MEGF10: variants seen among roughly 807,000 people sequenced by gnomAD.
MEGF10 encodes the protein multiple EGF like domains 10.
Under a neutral mutation model 147.5 loss-of-function variants are expected in MEGF10, and 86 were observed. The ratio of observed to expected loss-of-function variants is 0.58; its 90% CI spans 0.49 to 0.70. MEGF10 has a LOEUF of 0.70. Ranked by LOEUF, MEGF10 falls within the 30% of genes least tolerant of loss-of-function variation. The pLI, the probability that MEGF10 is intolerant of heterozygous loss-of-function variation, is 0.00. For synonymous variants in MEGF10, 478 were observed against 525.5 expected, an observed-to-expected ratio of 0.91 and a Z score of 1.24; for missense variants, 1,329 against 1,487.3, an observed-to-expected ratio of 0.89 and a Z score of 1.75.
At chr5:127,288,897 A>C (rs1352578817), upstream of MEGF10, among the ~76,000 whole-genome samples, 1 of 152,242 alleles carries the variant, frequency 6.6e-6, no homozygotes, top group Non-Finnish European at 1.5e-5. Flanking sequence ...CAGCAATAAA[A>C]AGGAACAAAC....
At chr5:127,429,993 C>A (rs1168115247) in intron 13 of MEGF10, among the ~76,000 whole-genome samples, 3 of 152,292 alleles carry the variant, frequency 2.0e-5, no homozygotes, top group Non-Finnish European at 1.5e-5. Context: ...TCCCCAGCCC[C>A]TGAGTTTTAG....
chr5:127,381,396 T>A (rs543298825), intron 5 of MEGF10, among the ~76,000 whole-genome samples: 1 of 152,346 alleles, frequency 6.6e-6, no homozygotes, highest in South Asian at 2.1e-4. Context: ...TCTTTATAAT[T>A]TCTTTCATAT....
the MEGF10 span, among the ~76,000 whole-genome samples, chr5:127,276,323 T>A: frequency 6.6e-6 from 1 of 152,228 alleles, no homozygotes; most frequent in African/African-American, 2.4e-5. Context: ...CAGAGGGTAG[T>A]TGGGTAAATA....
the MEGF10 span, among the ~76,000 whole-genome samples, chr5:127,247,428 GAAGAAGAAGAAGAAGAAGAAGAA>G: frequency 3.2e-5 from 3 of 94,278 alleles, no homozygotes; most frequent in African/African-American, 1.6e-4. Context: ...AGAAGAAGAA[GAAGAAGAAGAAGAAGAAGAAGAA>G]GAAGAAGAAG....
the MEGF10 span, among the ~76,000 whole-genome samples, chr5:127,264,374 G>A: frequency 1.3e-5 from 2 of 152,068 alleles, no homozygotes; most frequent in African/African-American, 2.4e-5. Flanking sequence ...CAAATTCTAT[G>A]TACTTTTGAT....
rs569029135 is a variant in MEGF10, at chr5:127,442,823, G to A, written c.2363-175G>A. Among the ~76,000 whole-genome samples the A allele has an allele frequency of 8.3e-4, 127 of 152,308 alleles. No homozygotes were observed. In the South Asian group the frequency reaches 0.011, roughly 14 times the overall value. On this transcript the variant is annotated intron_variant, in intron 18 of 24. Transcript: ENST00000503335. Reference sequence around the variant, plus strand: ...GCCCTGTGCAGTCTGGACTGTGAGTGCCACCATGATTCCAGGAATGCTGTC... The same window carrying A: ...GCCCTGTGCAGTCTGGACTGTGAGTACCACCATGATTCCAGGAATGCTGTC...
chr5:127,319,958 C>T (rs1760726638), intron 1 of MEGF10, among the ~76,000 whole-genome samples: 2 of 152,150 alleles, frequency 1.3e-5, no homozygotes, highest in Admixed American at 1.3e-4. Flanking sequence ...GCTTTGTGAC[C>T]TTGGGCATAC....
chr5:127,410,589 A>C lies in MEGF10; in HGVS notation c.1118A>C (p.Glu373Ala). 1.2e-6 allele frequency: 2 copies of C among 1,604,794 alleles called. No homozygotes were observed. Among genetic ancestry groups the C allele is most frequent in the Non-Finnish European group, 1.7e-6 (2 of 1,178,714 alleles). The change falls in exon 9 of 25, where the codon GAA becomes GCA. Residue 373 changes from glutamate to alanine, a missense_variant. Physicochemically the swap from Glu to Ala is moderately radical, Grantham distance 107. Coordinates refer to ENST00000503335, the MANE Select transcript of MEGF10 (RefSeq NM_001256545.2). ...GACAAACGGTGTCCCTGCCACCTGG[A>C]AAACACTCATAGGTGAGTGTCAGCT... Reference protein sequence around the residue: ...KCDKRCPCHLENTHSCHPMSG... With the variant: ...KCDKRCPCHLANTHSCHPMSG...
intron 1 of MEGF10, among the ~76,000 whole-genome samples, chr5:127,301,561 A>T (rs1561556679): frequency 6.6e-6 from 1 of 152,142 alleles, no homozygotes; most frequent in Non-Finnish European, 1.5e-5. Flanking sequence ...TTAACAGACA[A>T]GATTCTGATG....
Position 127,434,404 on chromosome 5 carries a change from T to C in MEGF10, c.1841-283T>C, listed in dbSNP as rs41298306. On this transcript the variant is annotated intron_variant, in intron 14 of 24. Coordinates refer to ENST00000503335, the MANE Select transcript of MEGF10 (RefSeq NM_001256545.2). ...TGAAAATTCCTGGAGCCCTGCTTTA[T>C]GCCAAGACTTGAGCTAACTGGGGCC... 0.012 allele frequency among the ~76,000 whole-genome samples: 1,899 copies of C among 152,300 alleles called. 13 individuals carry two copies. The highest frequency in any genetic ancestry group is 0.021 in the South Asian group (103 of 4,824).
intron 11 of MEGF10, 81 bp from the exon 12 acceptor site, chr5:127,419,963 G>A (rs1399380873): frequency 2.0e-6 from 3 of 1,500,000 alleles, no homozygotes; most frequent in East Asian, 2.3e-5. Context: ...CGTTTCTAAA[G>A]AGAAACGTGG....
intron 2 of MEGF10, among the ~76,000 whole-genome samples, chr5:127,336,661 C>T (rs558163683): frequency 1.6e-4 from 24 of 152,176 alleles, no homozygotes; most frequent in African/African-American, 4.8e-4. Flanking sequence ...CCAAGGCACA[C>T]GGACTTGAAT....
intron 4 of MEGF10, among the ~76,000 whole-genome samples, chr5:127,359,856 T>C (rs1762411475): frequency 6.6e-6 from 1 of 152,176 alleles, no homozygotes; most frequent in African/African-American, 2.4e-5. Flanking sequence ...CATCTTTGTA[T>C]GGGCATACAT....
At chr5:127,334,209 A>G (rs1761379612) in intron 2 of MEGF10, among the ~76,000 whole-genome samples, 1 of 152,142 alleles carries the variant, frequency 6.6e-6, no homozygotes. Flanking sequence ...ATGAGCTCCA[A>G]GGGCATAATT....
At position 127,419,703 on chromosome 5, in the gene MEGF10, A is replaced by G. The variant is rs1163524749; in HGVS notation, c.1427-341A>G. On this transcript the variant is annotated intron_variant, in intron 11 of 24. Transcript: ENST00000503335. ...AATCCTTTGTCTCCCTTCCATATAA[A>G]TATTTCACTTTCCTGATCTGAACAA... Among the ~76,000 whole-genome samples, 5 of 152,236 alleles carry G rather than the reference A, an allele frequency of 3.3e-5. No homozygotes were observed. The South Asian group carries it at 8.3e-4, about 25-fold the overall frequency.
intron 19 of MEGF10, 65 bp from the exon 20 acceptor site, chr5:127,445,392 A>G: frequency 8.0e-7 from 1 of 1,253,496 alleles, no homozygotes; most frequent in Non-Finnish European, 1.2e-6. Flanking sequence ...AGGTTTTTGT[A>G]AGTAGAGATC....
In MEGF10 at chr5:127,353,194, G is replaced by A. The variant is rs72788508; in HGVS notation, c.319+12564G>A. ...TGATATGTGAATGGCTTGACCTATG[G>A]AAAGGAGAGAGACTCGTGATCCCCA... On this transcript the variant is annotated intron_variant, in intron 4 of 24. Transcript: ENST00000503335. Among the ~76,000 whole-genome samples, 1,511 of 152,326 alleles carry A rather than the reference G, an allele frequency of 9.9e-3. 13 individuals are homozygous for A. Among genetic ancestry groups the A allele is most frequent in the Middle Eastern group, 0.024 (7 of 294 alleles).
At chr5:127,366,163 G>T (rs1340267539) in intron 4 of MEGF10, among the ~76,000 whole-genome samples, 1 of 152,122 alleles carries the variant, frequency 6.6e-6, no homozygotes, top group Non-Finnish European at 1.5e-5. Flanking sequence ...CTTGGTGGTG[G>T]TGTGGGCGTC....
intron 8 of MEGF10, among the ~76,000 whole-genome samples, chr5:127,403,138 C>T (rs952258947): frequency 6.6e-6 from 1 of 152,216 alleles, no homozygotes; most frequent in African/African-American, 2.4e-5. Flanking sequence ...GTCAGATCTG[C>T]TGGAACTTAT....
Sources: allele counts gnomAD v4.1 joint callset (sites outside exome capture counted in the v4.1 genomes callset), GRCh38; gene constraint gnomAD v4.1.1; transcripts MANE v1.5; gene names NCBI Gene and HGNC (gene_info 2026-07-23, HGNC 2026-07-21).